Variants in LRRC4C observed in about 807,000 individuals in gnomAD.
The protein encoded by LRRC4C is leucine rich repeat containing 4C, also known as leucine-rich repeat-containing protein 4C.
Under a neutral mutation model 33.6 loss-of-function variants are expected in LRRC4C, and 5 were observed. The observed-to-expected ratio is 0.15, with a 90% CI of 0.08 to 0.31. The LOEUF is 0.31. LRRC4C is among the 10% of genes least tolerant of loss of function. LRRC4C has a pLI of 1.00. For missense variants in LRRC4C, 560 were observed against 796.7 expected (o/e 0.70, Z 3.58); for synonymous variants, 329 against 302.0 (o/e 1.09, Z -0.93).
chr11:40,145,125 A>G (rs1371573345), intron 5 of LRRC4C, among the ~76,000 whole-genome samples: 1 of 152,212 alleles, frequency 6.6e-6, no homozygotes, highest in Non-Finnish European at 1.5e-5. Flanking sequence ...ATATGTGTTC[A>G]ATAAATGTTT....
intron 1 of LRRC4C, among the ~76,000 whole-genome samples, chr11:41,026,050 A>T (rs1856325611): frequency 6.6e-6 from 1 of 151,820 alleles, no homozygotes; most frequent in African/African-American, 2.4e-5. Context: ...CTAATACAAC[A>T]TTCATTCTGT....
At chr11:41,281,694 G>C (rs183035390) in intron 1 of LRRC4C, among the ~76,000 whole-genome samples, 2 of 152,088 alleles carry the variant, frequency 1.3e-5, no homozygotes, top group African/African-American at 4.8e-5. Context: ...GATACAATCG[G>C]GGAACTGATA....
intron 1 of LRRC4C, among the ~76,000 whole-genome samples, chr11:41,137,715 C>A (rs1943327239): frequency 6.6e-6 from 1 of 152,112 alleles, no homozygotes; most frequent in Non-Finnish European, 1.5e-5. Context: ...ATAAAACAAA[C>A]AAGGTATCCT....
chr11:40,353,193 T>G (rs1228115843), intron 3 of LRRC4C, among the ~76,000 whole-genome samples: 2 of 152,002 alleles, frequency 1.3e-5, no homozygotes, highest in African/African-American at 2.4e-5. Context: ...TACTTACTCT[T>G]TTAGGTCAAT....
intron 1 of LRRC4C, among the ~76,000 whole-genome samples, chr11:41,201,485 T>C (rs1483515370): frequency 6.6e-6 from 1 of 152,184 alleles, no homozygotes; most frequent in Non-Finnish European, 1.5e-5. Flanking sequence ...ATTTATTTTA[T>C]AGGAAAAATA....
intron 2 of LRRC4C, among the ~76,000 whole-genome samples, chr11:40,914,609 C>A (rs905661386): frequency 6.6e-6 from 1 of 152,256 alleles, no homozygotes; most frequent in East Asian, 1.9e-4. Flanking sequence ...TGGGCAAAAA[C>A]TGGAAGCATT....
At chr11:41,126,180 T>TTTAAA (rs781646499) in intron 1 of LRRC4C, among the ~76,000 whole-genome samples, 36 of 152,028 alleles carry the variant, frequency 2.4e-4, no homozygotes, top group Middle Eastern at 6.8e-3. Flanking sequence ...ATCCCAGAAA[T>TTTAAA]TTAAATTAAA....
intron 1 of LRRC4C, among the ~76,000 whole-genome samples, chr11:41,012,717 CT>C (rs557023209): frequency 6.6e-6 from 1 of 152,174 alleles, no homozygotes; most frequent in Non-Finnish European, 1.5e-5. Context: ...TATGAGTGTT[CT>C]TTTTTCTCTA....
At chr11:41,278,599 C>A (rs1949555561) in intron 1 of LRRC4C, among the ~76,000 whole-genome samples, 1 of 152,162 alleles carries the variant, frequency 6.6e-6, no homozygotes, top group South Asian at 2.1e-4. Flanking sequence ...GATTGCTGGG[C>A]CTCGCCCCCT....
intron 1 of LRRC4C, among the ~76,000 whole-genome samples, chr11:41,112,485 A>T (rs1286247011): frequency 1.3e-5 from 2 of 152,026 alleles, no homozygotes; most frequent in Admixed American, 6.6e-5. Context: ...TTCTCTGTCA[A>T]TCTTACTATA....
At chr11:41,171,207 G>A (rs568437518) in intron 1 of LRRC4C, among the ~76,000 whole-genome samples, 13 of 151,982 alleles carry the variant, frequency 8.6e-5, no homozygotes, top group Non-Finnish European at 1.9e-4. Flanking sequence ...GATTCCTCAG[G>A]GATCTAGAAC....
chr11:40,117,219 C>T (rs184664612), intron 6 of LRRC4C, among the ~76,000 whole-genome samples: 8 of 152,224 alleles, frequency 5.3e-5, no homozygotes, highest in African/African-American at 1.9e-4. Flanking sequence ...ATATTTTTCA[C>T]AATTTCTTTA....
At chr11:40,462,762 G>A (rs1306555504) in intron 3 of LRRC4C, among the ~76,000 whole-genome samples, 1 of 152,060 alleles carries the variant, frequency 6.6e-6, no homozygotes, top group Non-Finnish European at 1.5e-5. Flanking sequence ...CAGATGTAGA[G>A]TTGCCTCCAG....
chr11:40,786,390 A>G (rs1950412000), intron 2 of LRRC4C, among the ~76,000 whole-genome samples: 1 of 152,214 alleles, frequency 6.6e-6, no homozygotes, highest in Non-Finnish European at 1.5e-5. Context: ...TCACAAGAAG[A>G]AAATACAATA....
chr11:40,827,122 C>T (rs1952199514), intron 2 of LRRC4C, among the ~76,000 whole-genome samples: 1 of 151,780 alleles, frequency 6.6e-6, no homozygotes, highest in South Asian at 2.1e-4. Context: ...TCAAGAACCA[C>T]AACAACCCGT....
At chr11:40,684,601 A>T (rs1220545477) in intron 2 of LRRC4C, among the ~76,000 whole-genome samples, 1 of 152,026 alleles carries the variant, frequency 6.6e-6, no homozygotes, top group Non-Finnish European at 1.5e-5. Context: ...TGAGAGGGTT[A>T]TAAATTTTCA....
chr11:40,807,729 G>C (rs1951315719), intron 2 of LRRC4C, among the ~76,000 whole-genome samples: 1 of 152,336 alleles, frequency 6.6e-6, no homozygotes, highest in East Asian at 1.9e-4. Context: ...CTCATGCTTA[G>C]AGTAATTCAA....
intron 2 of LRRC4C, among the ~76,000 whole-genome samples, chr11:40,841,024 G>A (rs1952889787): frequency 6.6e-6 from 1 of 152,096 alleles, no homozygotes; most frequent in Non-Finnish European, 1.5e-5. Flanking sequence ...ATTACATATG[G>A]AAGTTGTGTG....
At chr11:41,063,260 A>G (rs1193846238) in intron 1 of LRRC4C, among the ~76,000 whole-genome samples, 4 of 152,328 alleles carry the variant, frequency 2.6e-5, no homozygotes, top group African/African-American at 4.8e-5. Context: ...TAGTATTACC[A>G]GACATTGTTC....
Sources: allele counts gnomAD v4.1 joint callset (sites outside exome capture counted in the v4.1 genomes callset), GRCh38; gene constraint gnomAD v4.1.1; transcripts MANE v1.5; gene names NCBI Gene and HGNC (gene_info 2026-07-23, HGNC 2026-07-21).